The following CCSER1 variants were observed in gnomAD, a reference collection of about 807,000 sequenced individuals.
CCSER1 encodes coiled-coil serine rich protein 1, also known as serine-rich coiled-coil domain-containing protein 1.
A neutral mutation model predicts 82.0 loss-of-function variants in CCSER1; 41 were observed. That is an observed-to-expected ratio of 0.50 (90% CI 0.39 to 0.65). The LOEUF is 0.65. Ranked by LOEUF, CCSER1 falls within the 30% of genes least tolerant of loss-of-function variation. The probability of loss-of-function intolerance (pLI) is 0.00; values close to 1 mark genes in which losing one functional copy is unlikely to be tolerated. For synonymous variants in CCSER1, 414 were observed against 383.9 expected, an observed-to-expected ratio of 1.08 and a Z score of -0.92; for missense variants, 1,119 against 1,064.2, an observed-to-expected ratio of 1.05 and a Z score of -0.72.
At chr4:90,294,014 C>T (rs1731396769) in intron 1 of CCSER1, among the ~76,000 whole-genome samples, 1 of 152,072 alleles carries the variant, frequency 6.6e-6, no homozygotes, top group South Asian at 2.1e-4. Flanking sequence ...TTATTTGTGT[C>T]TTATGGCTCA....
chr4:90,526,975 T>C (rs113539087), intron 5 of CCSER1, among the ~76,000 whole-genome samples: 3 of 152,332 alleles, frequency 2.0e-5, no homozygotes, highest in African/African-American at 7.2e-5. Flanking sequence ...TGAACTAATT[T>C]ACACTCCCAC....
chr4:90,779,815 T>TC (rs1753501736), intron 7 of CCSER1, among the ~76,000 whole-genome samples: 1 of 152,168 alleles, frequency 6.6e-6, no homozygotes, highest in African/African-American at 2.4e-5. Context: ...AAAATGTCTT[T>TC]CCCCCTATTA....
intron 8 of CCSER1, among the ~76,000 whole-genome samples, chr4:90,847,563 C>G (rs541065597): frequency 7.9e-5 from 12 of 152,192 alleles, no homozygotes; most frequent in African/African-American, 1.4e-4. Flanking sequence ...AGTTCATCAT[C>G]TATCTAATAA....
intron 10 of CCSER1, among the ~76,000 whole-genome samples, chr4:91,154,028 C>T (rs1192487686): frequency 6.6e-6 from 1 of 152,010 alleles, no homozygotes; most frequent in Non-Finnish European, 1.5e-5. Flanking sequence ...CCACTACTCT[C>T]TTCAAAGCTG....
chr4:90,267,125 G>C (rs1191075763), intron 1 of CCSER1, among the ~76,000 whole-genome samples: 1 of 152,010 alleles, frequency 6.6e-6, no homozygotes, highest in Non-Finnish European at 1.5e-5. Context: ...AGAAAGGGTA[G>C]TCTTAGGCCT....
At chr4:90,711,734 T>G (rs143215430) in intron 6 of CCSER1, among the ~76,000 whole-genome samples, 2 of 151,670 alleles carry the variant, frequency 1.3e-5, no homozygotes, top group Non-Finnish European at 2.9e-5. Flanking sequence ...TTTTTTTTTT[T>G]GTCAGTATTT....
intron 4 of CCSER1, among the ~76,000 whole-genome samples, chr4:90,467,804 G>A (rs912912962): frequency 2.6e-5 from 4 of 152,210 alleles, no homozygotes; most frequent in Non-Finnish European, 1.5e-5. Flanking sequence ...TGATGATAAT[G>A]GTTAAGTTCA....
chr4:90,534,152 C>A (rs968221501), intron 5 of CCSER1, among the ~76,000 whole-genome samples: 1 of 152,164 alleles, frequency 6.6e-6, no homozygotes, highest in African/African-American at 2.4e-5. Context: ...GTTTTTGAGA[C>A]ACAGTCTCGC....
intron 10 of CCSER1, among the ~76,000 whole-genome samples, chr4:91,496,998 C>T (rs1294175775): frequency 6.7e-6 from 1 of 150,102 alleles, no homozygotes; most frequent in Non-Finnish European, 1.5e-5. Flanking sequence ...TCCATCCTGA[C>T]CATTCTTACT....
chr4:91,507,936 A>G lies in CCSER1; in HGVS notation c.2218-90636A>G, dbSNP rs546500129. Among the ~76,000 whole-genome samples the G allele has an allele frequency of 2.9e-4, 43 of 150,622 alleles. 1 individual carries two copies. The highest frequency in any genetic ancestry group is 4.1e-4 in the Non-Finnish European group (28 of 67,656). On this transcript the variant is annotated intron_variant, in intron 10 of 10. Coordinates refer to ENST00000509176, the MANE Select transcript of CCSER1 (RefSeq NM_001145065.2). Reference sequence around the variant, plus strand: ...GTATATTCATCTTGTATCCCACAACATATCTGAGCTGGTTTATTAGTTCTA... The same window carrying G: ...GTATATTCATCTTGTATCCCACAACGTATCTGAGCTGGTTTATTAGTTCTA...
At chr4:90,352,013 C>A (rs1221761724) in intron 3 of CCSER1, among the ~76,000 whole-genome samples, 2 of 152,074 alleles carry the variant, frequency 1.3e-5, no homozygotes, top group African/African-American at 4.8e-5. Flanking sequence ...ATTTCTAAAT[C>A]TATGTTCTCA....
At chr4:90,826,557 CT>C (rs1760483314) in intron 8 of CCSER1, among the ~76,000 whole-genome samples, 1 of 152,124 alleles carries the variant, frequency 6.6e-6, no homozygotes, top group Non-Finnish European at 1.5e-5. Context: ...TTATTATTGC[CT>C]TTACTTTTTA....
chr4:90,388,600 A>G (rs1345302879), intron 3 of CCSER1, among the ~76,000 whole-genome samples: 1 of 137,304 alleles, frequency 7.3e-6, no homozygotes, highest in Non-Finnish European at 1.6e-5. Flanking sequence ...GTGAGCCACC[A>G]CGCCCGGCCC....
chr4:90,675,248 A>G (rs1476612150), intron 6 of CCSER1, among the ~76,000 whole-genome samples: 2 of 152,094 alleles, frequency 1.3e-5, no homozygotes, highest in Non-Finnish European at 2.9e-5. Flanking sequence ...ACTATTATTT[A>G]TAAACAATTA....
At chr4:90,494,539 C>T (rs1768665878) in intron 5 of CCSER1, among the ~76,000 whole-genome samples, 3 of 151,956 alleles carry the variant, frequency 2.0e-5, no homozygotes, top group African/African-American at 7.2e-5. Context: ...AATTCTTGTT[C>T]TATCTCATGA....
rs531135275 is a variant in CCSER1 at position 91,541,798 on chromosome 4, G to A, written c.2218-56774G>A. Reference sequence around the variant, plus strand: ...TCTAGTTCTAGATCCCTGAGGAATCGCCACACTGTCTTCCACAATGGTTGA... The same window carrying A: ...TCTAGTTCTAGATCCCTGAGGAATCACCACACTGTCTTCCACAATGGTTGA... On this transcript the variant is annotated intron_variant, in intron 10 of 10. Transcript: ENST00000509176. 1.1e-4 allele frequency among the ~76,000 whole-genome samples: 17 copies of A among 152,174 alleles called. No homozygotes were observed. The East Asian group carries it at 2.1e-3, about 19-fold the overall frequency.
chr4:91,211,116 A>G (rs1355007976), intron 10 of CCSER1, among the ~76,000 whole-genome samples: 1 of 152,014 alleles, frequency 6.6e-6, no homozygotes, highest in East Asian at 1.9e-4. Flanking sequence ...TTTGCAAACG[A>G]ACACGGTGGC....
Position 90,826,506 on chromosome 4 carries a change from T to G in CCSER1, c.2094+10661T>G, listed in dbSNP as rs191873537. The stretch of plus-strand genomic sequence containing the variant: ...TTTAATAACAACAGCCACTAGCTAC[T>G]GAGCTCCTAACCTTTGACAGGTACT... On this transcript the variant is annotated intron_variant, in intron 8 of 10. Coordinates refer to ENST00000509176, the MANE Select transcript of CCSER1 (RefSeq NM_001145065.2). 4.5e-4 allele frequency among the ~76,000 whole-genome samples: 69 copies of G among 152,344 alleles called. 1 individual carries two copies. In the East Asian group the frequency reaches 0.011, roughly 24 times the overall value.
intron 9 of CCSER1, among the ~76,000 whole-genome samples, chr4:91,073,715 T>A (rs1221059079): frequency 2.0e-5 from 3 of 152,066 alleles, no homozygotes; most frequent in Non-Finnish European, 2.9e-5. Context: ...TGTTCAAAGT[T>A]TTTTGGAATT....
Sources: allele counts gnomAD v4.1 joint callset (sites outside exome capture counted in the v4.1 genomes callset), GRCh38; gene constraint gnomAD v4.1.1; transcripts MANE v1.5; gene names NCBI Gene and HGNC (gene_info 2026-07-23, HGNC 2026-07-21).